Variants in SPAG16 observed in about 807,000 individuals in gnomAD.
SPAG16 encodes the protein sperm associated antigen 16.
SPAG16 carries 86 observed loss-of-function variants against 80.4 expected under a neutral mutation model. The ratio of observed to expected loss-of-function variants is 1.07; its 90% CI spans 0.90 to 1.28. SPAG16 has a LOEUF of 1.28. Ranked by LOEUF, SPAG16 falls within the 50% of genes most tolerant of loss-of-function variation. SPAG16 has a pLI of 0.00. For missense variants in SPAG16, 870 were observed against 765.3 expected (o/e 1.14, Z -1.61); for synonymous variants, 294 against 265.9 (o/e 1.11, Z -1.03).
intron 13 of SPAG16, among the ~76,000 whole-genome samples, chr2:214,104,543 G>C (rs2053271004): frequency 6.6e-6 from 1 of 152,060 alleles, no homozygotes. Context: ...TTTGAAGAAA[G>C]ACTTGTAGTA....
At chr2:213,629,541 T>C (rs2062070509) in intron 10 of SPAG16, among the ~76,000 whole-genome samples, 1 of 152,150 alleles carries the variant, frequency 6.6e-6, no homozygotes, top group Admixed American at 6.5e-5. Context: ...TATAAACAAA[T>C]CAATTGCTGC....
chr2:213,698,128 C>T (rs1015242098), intron 10 of SPAG16, among the ~76,000 whole-genome samples: 1 of 152,098 alleles, frequency 6.6e-6, no homozygotes, highest in Non-Finnish European at 1.5e-5. Context: ...ATTCTCTCCC[C>T]TTGGGTTCTA....
rs1289740845 is a variant in SPAG16, at chr2:213,889,648, C to CAT, written c.1214+27026_1214+27027dup. ...ATATACATATACATATACACACACA[C>CAT]ATATATACATATACATATATACACA... On this transcript the variant is annotated intron_variant, in intron 11 of 15. Transcript: ENST00000331683. Among the ~76,000 whole-genome samples, 16 of 148,716 alleles carry CAT rather than the reference C, an allele frequency of 1.1e-4. 1 individual carries two copies. The South Asian group carries it at 3.4e-3, about 31-fold the overall frequency.
intron 11 of SPAG16, among the ~76,000 whole-genome samples, chr2:213,873,446 A>G (rs1023847142): frequency 2.0e-5 from 3 of 151,780 alleles, no homozygotes; most frequent in Non-Finnish European, 4.4e-5. Context: ...TCTTTTCAAA[A>G]AATCAACTTT....
chr2:213,648,126 C>T (rs1306539563), intron 10 of SPAG16, among the ~76,000 whole-genome samples: 1 of 152,022 alleles, frequency 6.6e-6, no homozygotes, highest in Admixed American at 6.6e-5. Context: ...TCTTTTCCTT[C>T]ATTTGCAAGA....
At chr2:213,914,526 C>T (rs7559878) in intron 11 of SPAG16, among the ~76,000 whole-genome samples, 88,902 of 151,902 alleles carry the variant, frequency 0.59, 27,822 homozygotes, top group South Asian at 0.84. Context: ...AATATATGCA[C>T]AGCACAATGA....
chr2:213,334,810 G>T (rs1339603141), intron 5 of SPAG16, among the ~76,000 whole-genome samples: 2 of 152,108 alleles, frequency 1.3e-5, no homozygotes, highest in East Asian at 3.8e-4. Context: ...GACTGGGAAG[G>T]GTAGTGTGTG....
intron 9 of SPAG16, among the ~76,000 whole-genome samples, chr2:213,409,887 C>T (rs1448721090): frequency 1.3e-5 from 2 of 152,168 alleles, no homozygotes; most frequent in African/African-American, 4.8e-5. Context: ...AAATTATATA[C>T]TTGGTTTATC....
chr2:213,717,153 T>C (rs1282544800), intron 10 of SPAG16, among the ~76,000 whole-genome samples: 1 of 151,576 alleles, frequency 6.6e-6, no homozygotes, highest in Non-Finnish European at 1.5e-5. Flanking sequence ...GCAGAAACTT[T>C]TCATTTTTTT....
intron 12 of SPAG16, among the ~76,000 whole-genome samples, chr2:213,999,133 T>G (rs1021962918): frequency 6.6e-6 from 1 of 152,118 alleles, no homozygotes; most frequent in Non-Finnish European, 1.5e-5. Context: ...CCCAAGACAA[T>G]GGGGAAAATG....
chr2:213,673,698 C>T (rs2063913488), intron 10 of SPAG16, among the ~76,000 whole-genome samples: 1 of 152,114 alleles, frequency 6.6e-6, no homozygotes, highest in African/African-American at 2.4e-5. Context: ...TCCACACTGG[C>T]TTCTACTAAG....
intron 10 of SPAG16, among the ~76,000 whole-genome samples, chr2:213,715,214 A>ATCTG (rs1485951429): frequency 8.1e-4 from 103 of 127,002 alleles, no homozygotes; most frequent in Non-Finnish European, 8.7e-4. Flanking sequence ...AGTTAGGTAG[A>ATCTG]TCTATCTGTC....
chr2:214,013,132 A>G (rs2047400035), intron 12 of SPAG16, among the ~76,000 whole-genome samples: 1 of 151,124 alleles, frequency 6.6e-6, no homozygotes, highest in African/African-American at 2.4e-5. Flanking sequence ...TCCATCATCA[A>G]TTGGCATAGA....
At chr2:213,506,075 A>G in intron 10 of SPAG16, among the ~76,000 whole-genome samples, 1 of 152,042 alleles carries the variant, frequency 6.6e-6, no homozygotes, top group Non-Finnish European at 1.5e-5. Flanking sequence ...TATGGATACA[A>G]TATATTTCTG....
chr2:213,597,509 T>C (rs2060922964), intron 10 of SPAG16, among the ~76,000 whole-genome samples: 1 of 152,162 alleles, frequency 6.6e-6, no homozygotes, highest in South Asian at 2.1e-4. Context: ...AAAACACACA[T>C]CCAGTAATTT....
At chr2:213,473,348 A>G (rs184942247) in intron 9 of SPAG16, among the ~76,000 whole-genome samples, 2 of 152,276 alleles carry the variant, frequency 1.3e-5, no homozygotes, top group Admixed American at 6.5e-5. Context: ...AATTTTGTAG[A>G]TGAGAACTGC....
intron 9 of SPAG16, among the ~76,000 whole-genome samples, chr2:213,432,030 A>AT (rs1435809760): frequency 1.3e-5 from 2 of 152,082 alleles, no homozygotes; most frequent in Non-Finnish European, 2.9e-5. Context: ...TAAATTAATA[A>AT]TTTTTTTGAA....
chr2:213,493,644 C>T (rs1011354977), intron 10 of SPAG16, among the ~76,000 whole-genome samples: 3 of 151,784 alleles, frequency 2.0e-5, no homozygotes, highest in Non-Finnish European at 2.9e-5. Context: ...GGTGTGATCT[C>T]GGCTCACTGC....
intron 15 of SPAG16, among the ~76,000 whole-genome samples, chr2:214,269,575 A>AT (rs1450972663): frequency 6.6e-6 from 1 of 152,044 alleles, no homozygotes; most frequent in African/African-American, 2.4e-5. Flanking sequence ...TGTACATTCA[A>AT]TTTTTCAAAA....
Sources: allele counts gnomAD v4.1 joint callset (sites outside exome capture counted in the v4.1 genomes callset), GRCh38; gene constraint gnomAD v4.1.1; transcripts MANE v1.5; gene names NCBI Gene and HGNC (gene_info 2026-07-23, HGNC 2026-07-21).